EHMT1: variants seen among roughly 807,000 people sequenced by gnomAD.
The protein encoded by EHMT1 is euchromatic histone lysine methyltransferase 1.
A neutral mutation model predicts 147.2 loss-of-function variants in EHMT1; 15 were observed. The observed-to-expected ratio is 0.10, with a 90% CI of 0.07 to 0.16. The LOEUF is 0.16. Among genes scored for constraint, EHMT1 ranks in the 10% least tolerant of loss-of-function variants. EHMT1 has a pLI of 1.00. For missense variants in EHMT1, 1,587 were observed against 1,772.4 expected (o/e 0.90, Z 1.88); for synonymous variants, 795 against 709.6 (o/e 1.12, Z -1.91).
intron 1 of EHMT1, among the ~76,000 whole-genome samples, chr9:137,698,024 CTCAA>C (rs1217730093): frequency 6.7e-6 from 1 of 148,412 alleles, no homozygotes; most frequent in Non-Finnish European, 1.5e-5. Flanking sequence ...TCGCGGAGGC[CTCAA>C]TCCCCACTGT....
rs2133153729 is a variant in EHMT1 at position 137,834,465 on chromosome 9, G to T, written c.3657G>T (p.Leu1219=). The change falls in exon 26 of 27, where the codon CTG becomes CTT. Residue 1219 remains leucine (L), a synonymous_variant. Coordinates refer to ENST00000460843, the MANE Select transcript of EHMT1 (RefSeq NM_024757.5). ...PVRVFMAHQD[L]RFPRIAFFST... is the part of the protein sequence containing the mutation. Reference sequence around the variant, plus strand: ...GCGTGTTCATGGCCCACCAGGACCTGCGGTTCCCCCGGATCGCCTTCTTCA... The same window carrying T: ...GCGTGTTCATGGCCCACCAGGACCTTCGGTTCCCCCGGATCGCCTTCTTCA... The T allele has an allele frequency of 6.2e-7, 1 of 1,613,032 alleles. No individual in the cohort carries two copies. The highest frequency in any genetic ancestry group is 8.5e-7 in the Non-Finnish European group (1 of 1,179,818).
rs892305682 is a variant in EHMT1, at chr9:137,691,160, C to T, written c.22-19807C>T. ...CTATTTCCTGTCTCTAAGACTTGGACTATCTAGGGACCTTACACAAGTGGA... is the reference window on the plus strand; with the variant it reads ...CTATTTCCTGTCTCTAAGACTTGGATTATCTAGGGACCTTACACAAGTGGA... On this transcript the variant is annotated intron_variant, in intron 1 of 26. Transcript: ENST00000460843. Among the ~76,000 whole-genome samples the T allele has an allele frequency of 3.0e-4, 45 of 152,124 alleles. No individual in the cohort carries two copies. In the Middle Eastern group the frequency reaches 0.01, roughly 34 times the overall value.
chr9:137,813,160 A>C lies in EHMT1; in HGVS notation c.3022A>C (p.Arg1008=), dbSNP rs767195768. 1.9e-5 allele frequency: 31 copies of C among 1,609,820 alleles called. No homozygotes were observed. Among genetic ancestry groups the C allele is most frequent in the African/African-American group, 2.7e-5 (2 of 74,842 alleles). Residue 1008 remains arginine, a synonymous_variant, in exon 20 of 27, where the codon AGG becomes CGG. Transcript: ENST00000460843. The surrounding 1 kb of genome is among the most constrained non-coding windows in gnomAD (Gnocchi z 4.9). ...SAPDRPSPVE[R]IVSRDIARGY... ...CCCCGACAGGCCCAGCCCCGTGGAG[A>C]GGATAGTGAGCAGGTGAGCCCAGCC...
intron 8 of EHMT1, among the ~76,000 whole-genome samples, chr9:137,756,752 C>G (rs1265219659): frequency 6.6e-6 from 1 of 152,170 alleles, no homozygotes; most frequent in African/African-American, 2.4e-5. Flanking sequence ...AAAATGTGTG[C>G]TTTTAAATAT....
chr9:137,761,602 T>C (rs1261316669), intron 9 of EHMT1, among the ~76,000 whole-genome samples: 1 of 152,010 alleles, frequency 6.6e-6, no homozygotes, highest in East Asian at 1.9e-4. Flanking sequence ...TACAGGCATG[T>C]GCCCCATGCC....
chr9:137,802,279 G>A (rs574394892), intron 18 of EHMT1: 137 of 398,382 alleles, frequency 3.4e-4, no homozygotes, highest in African/African-American at 9.9e-4. Context: ...TGTGTCCACC[G>A]TCACAGAGGG....
At chr9:137,619,739 C>G (rs1008140731) in intron 1 of EHMT1, among the ~76,000 whole-genome samples, 2 of 152,054 alleles carry the variant, frequency 1.3e-5, no homozygotes, top group African/African-American at 4.8e-5. Context: ...TGTTAATGGT[C>G]TCGGCCTTCC....
chr9:137,720,630 A>G (rs1477659099), intron 3 of EHMT1, among the ~76,000 whole-genome samples: 1 of 152,154 alleles, frequency 6.6e-6, no homozygotes, highest in African/African-American at 2.4e-5. Flanking sequence ...AAATGGAATT[A>G]TAATGTATGT....
intron 1 of EHMT1, among the ~76,000 whole-genome samples, chr9:137,668,809 C>T (rs1449921824): frequency 1.3e-5 from 2 of 151,944 alleles, no homozygotes; most frequent in African/African-American, 4.8e-5. Flanking sequence ...CCTGGGTTTT[C>T]ATTTCTTCGG....
intron 12 of EHMT1, 175 bp downstream of exon 12, chr9:137,777,019 A>G (rs572145001): frequency 8.1e-5 from 55 of 677,448 alleles, no homozygotes; most frequent in African/African-American, 4.3e-4. Flanking sequence ...CCATTTGTGC[A>G]TACGTTGCTC....
At chr9:137,802,060 G>A (rs925734649) in intron 18 of EHMT1, among the ~76,000 whole-genome samples, 1 of 152,218 alleles carries the variant, frequency 6.6e-6, no homozygotes, top group Admixed American at 6.5e-5. Context: ...AATAGAGTTT[G>A]GAGCTGAGAT....
At chr9:137,760,085 G>A (rs1225234436) in intron 9 of EHMT1, among the ~76,000 whole-genome samples, 1 of 152,220 alleles carries the variant, frequency 6.6e-6, no homozygotes, top group African/African-American at 2.4e-5. Context: ...GAGGCAGAGG[G>A]TCTGAGCCTG....
rs141248206 is a variant in EHMT1 at position 137,807,003 on chromosome 9, G to C, written c.2713-4458G>C. Among the ~76,000 whole-genome samples the C allele has an allele frequency of 4.1e-3, 629 of 152,294 alleles. 2 individuals are homozygous for C. Among genetic ancestry groups the C allele is most frequent in the Non-Finnish European group, 6.7e-3 (459 of 68,018 alleles). On this transcript the variant is annotated intron_variant, in intron 18 of 26. Transcript: ENST00000460843. ...TGGATTTTCCTCTAAGCCTTAGTTT[G>C]TCTGTAAAGCAATTTGATTACTGAA... is the stretch of plus-strand genomic sequence containing the variant.
At chr9:137,744,509 G>A (rs966136585) in intron 6 of EHMT1, among the ~76,000 whole-genome samples, 4 of 137,938 alleles carry the variant, frequency 2.9e-5, no homozygotes, top group Non-Finnish European at 5.9e-5. Flanking sequence ...TTGTGGAGAC[G>A]GGGACTCGCT....
intron 25 of EHMT1, among the ~76,000 whole-genome samples, chr9:137,826,611 G>A (rs143822146): frequency 3.2e-4 from 48 of 152,338 alleles, no homozygotes; most frequent in Admixed American, 9.1e-4. Context: ...GGACCCCACC[G>A]CCTGGCTCAT....
intron 3 of EHMT1, among the ~76,000 whole-genome samples, chr9:137,724,873 A>G (rs1946435446): frequency 6.6e-6 from 1 of 150,672 alleles, no homozygotes; most frequent in African/African-American, 2.5e-5. Flanking sequence ...TTCGTGGGGC[A>G]GACGTGTGGC....
intron 1 of EHMT1, among the ~76,000 whole-genome samples, chr9:137,709,219 C>T (rs1944487815): frequency 1.3e-5 from 2 of 152,120 alleles, no homozygotes; most frequent in African/African-American, 2.4e-5. Context: ...TGCAGGGACC[C>T]CGGAGAGCTC....
chr9:137,753,332 T>G (rs995635386), intron 7 of EHMT1, among the ~76,000 whole-genome samples: 1 of 152,098 alleles, frequency 6.6e-6, no homozygotes, highest in Non-Finnish European at 1.5e-5. Flanking sequence ...GGTCTGTCTT[T>G]GGGTGGCAGA....
rs3812497 is a variant in EHMT1, at chr9:137,716,984, T to C, written c.444T>C (p.Pro148=). The C allele has an allele frequency of 0.27, 437,510 of 1,608,838 alleles. 62,643 individuals carry two copies. The highest frequency in any genetic ancestry group is 0.45 in the Admixed American group (26,697 of 59,836). The change falls in exon 3 of 27, where the codon CCT becomes CCC. Residue 148 remains proline (P), a synonymous_variant. Coordinates refer to ENST00000460843, the MANE Select transcript of EHMT1 (RefSeq NM_024757.5). ...CCAGCACTCTGGCCTCTTCGCTGCC[T>C]GGCCATGCTGCAAAAACCCTTCCTG... ...RTTSTLASSL[P]GHAAKTLPGG... is the part of the protein sequence containing the mutation.
Sources: allele counts gnomAD v4.1 joint callset (sites outside exome capture counted in the v4.1 genomes callset), GRCh38; gene constraint gnomAD v4.1.1; non-coding constraint Gnocchi (gnomAD v3.1); transcripts MANE v1.5; gene names NCBI Gene and HGNC (gene_info 2026-07-23, HGNC 2026-07-21).